OSBP: variants seen among roughly 807,000 people sequenced by gnomAD.
OSBP encodes the protein oxysterol binding protein.
OSBP carries 32 observed loss-of-function variants against 96.6 expected under a neutral mutation model. The ratio of observed to expected loss-of-function variants is 0.33; its 90% CI spans 0.25 to 0.45. The LOEUF (loss-of-function observed/expected upper bound fraction) is 0.45, where lower values mean the gene tolerates loss of function less well. Ranked by LOEUF, OSBP falls within the 20% of genes least tolerant of loss-of-function variation. OSBP has a pLI of 1.00. For synonymous variants in OSBP, 369 were observed against 389.6 expected (o/e 0.95, Z 0.62); for missense variants, 653 against 1,029.7 (o/e 0.63, Z 5.01).
chr11:59,605,254 C>A (rs1409913153), intron 3 of OSBP, among the ~76,000 whole-genome samples: 1 of 152,168 alleles, frequency 6.6e-6, no homozygotes, highest in Non-Finnish European at 1.5e-5. Flanking sequence ...TTCTCTCCCC[C>A]ACAATTAACT....
At chr11:59,615,085 C>A (rs1315383288) in intron 1 of OSBP, among the ~76,000 whole-genome samples, 1 of 152,196 alleles carries the variant, frequency 6.6e-6, no homozygotes, top group Non-Finnish European at 1.5e-5. Flanking sequence ...GATAAGGCAC[C>A]AAGAGTGGGT....
Position 59,600,626 on chromosome 11 carries a change from T to C in OSBP, c.1181A>G (p.Tyr394Cys), listed in dbSNP as rs779315004. Residue 394 changes from tyrosine to cysteine, a missense_variant and splice_region_variant, in exon 7 of 14, where the codon TAC becomes TGC. By Grantham distance (194) the Tyr-to-Cys change is radical. Coordinates refer to ENST00000263847, the MANE Select transcript of OSBP (RefSeq NM_002556.3). ...ASSDISLDEQ[Y>C]KHQLEETKKE... ...TTTGGTCTCCTCCAGCTGATGCTTG[T>C]ACTGAGAGCAAAACAAAGCCATTCA... 1.2e-6 allele frequency: 2 copies of C among 1,613,346 alleles called. No homozygotes were observed. The highest frequency in any genetic ancestry group is 2.2e-5 in the South Asian group (2 of 91,018).
At chr11:59,614,014 G>A (rs964072254) in intron 1 of OSBP, among the ~76,000 whole-genome samples, 1 of 152,086 alleles carries the variant, frequency 6.6e-6, no homozygotes, top group African/African-American at 2.4e-5. Context: ...CAGTGTTTTG[G>A]GTCTCAAAGA....
At chr11:59,577,503 T>C (rs1203583339) in intron 12 of OSBP, among the ~76,000 whole-genome samples, 3 of 152,152 alleles carry the variant, frequency 2.0e-5, no homozygotes, top group Non-Finnish European at 4.4e-5. Context: ...TTCTTATTTA[T>C]TTATTTATTT....
chr11:59,608,005 T>A (rs1439866207), intron 3 of OSBP, among the ~76,000 whole-genome samples: 1 of 152,200 alleles, frequency 6.6e-6, no homozygotes, highest in Admixed American at 6.5e-5. Context: ...CCACCCTTTA[T>A]GCCTGAATGC....
intron 9 of OSBP, among the ~76,000 whole-genome samples, chr11:59,582,582 T>C (rs981592105): frequency 6.6e-6 from 1 of 152,124 alleles, no homozygotes; most frequent in Non-Finnish European, 1.5e-5. Context: ...CTTTCCTGAG[T>C]TGAGTCATTT....
At chr11:59,586,192 G>T (rs979381245) in intron 9 of OSBP, among the ~76,000 whole-genome samples, 6 of 132,600 alleles carry the variant, frequency 4.5e-5, no homozygotes, top group African/African-American at 1.7e-4. Context: ...AAAAAAAAAA[G>T]AAAAAAAAAA....
intron 9 of OSBP, among the ~76,000 whole-genome samples, chr11:59,586,263 G>A (rs1196693653): frequency 6.6e-6 from 1 of 151,508 alleles, no homozygotes; most frequent in South Asian, 2.1e-4. Flanking sequence ...AAAATTAGGT[G>A]CATTTCTATT....
chr11:59,597,057 G>C (rs1034323376), intron 7 of OSBP, among the ~76,000 whole-genome samples: 2 of 152,000 alleles, frequency 1.3e-5, no homozygotes, highest in African/African-American at 4.8e-5. Flanking sequence ...AGACCCAGAA[G>C]CTATTTCTTT....
At chr11:59,598,853 G>A (rs1389579510) in intron 7 of OSBP, among the ~76,000 whole-genome samples, 1 of 152,222 alleles carries the variant, frequency 6.6e-6, no homozygotes, top group Non-Finnish European at 1.5e-5. Context: ...GCCTCCCAAA[G>A]TGCTGGGATT....
intron 4 of OSBP, 57 bp downstream of exon 4, chr11:59,601,583 T>A: frequency 6.6e-7 from 1 of 1,511,548 alleles, no homozygotes; most frequent in Non-Finnish European, 9.2e-7. Context: ...TCCTATCAAC[T>A]GCAGAAAACC....
intron 1 of OSBP, among the ~76,000 whole-genome samples, chr11:59,614,778 C>A (rs1590681697): frequency 6.6e-6 from 1 of 152,178 alleles, no homozygotes; most frequent in Non-Finnish European, 1.5e-5. Context: ...CGAAGCCACC[C>A]TGTGTGTGTG....
chr11:59,610,495 T>C lies in OSBP; in HGVS notation c.457A>G (p.Asn153Asp). Residue 153 changes from asparagine to aspartate, a missense_variant, in exon 2 of 14, where the codon AAT (asparagine) becomes GAT (aspartate). Asn to Asp is a conservative substitution (Grantham distance 23). Transcript: ENST00000263847. The stretch of plus-strand genomic sequence containing the variant: ...AGATGGTAGGTCTGAGCACCCCCAT[T>C]GGAAATGATGAAGTTGCAGGAGTCC... ...VEDSCNFIIS[N>D]GGAQTYHLKA... 6.2e-7 allele frequency: 1 copy of C among 1,614,184 alleles called. No individual in the cohort carries two copies. The highest frequency in any genetic ancestry group is 8.5e-7 in the Non-Finnish European group (1 of 1,180,008).
chr11:59,584,741 A>C (rs1860472453), intron 9 of OSBP, among the ~76,000 whole-genome samples: 2 of 152,200 alleles, frequency 1.3e-5, no homozygotes, highest in Admixed American at 6.5e-5. Flanking sequence ...CATGGCAAGG[A>C]TGCCCACTTT....
chr11:59,602,466 T>A (rs1285221596), intron 3 of OSBP, among the ~76,000 whole-genome samples: 2 of 152,140 alleles, frequency 1.3e-5, no homozygotes, highest in Non-Finnish European at 2.9e-5. Flanking sequence ...ACAAATATGA[T>A]TATATCAAGT....
At chr11:59,589,748 G>A (rs1377830442) in intron 9 of OSBP, among the ~76,000 whole-genome samples, 3 of 151,932 alleles carry the variant, frequency 2.0e-5, no homozygotes, top group Admixed American at 2.0e-4. Context: ...ACTTTGGGAG[G>A]CCAAGGTGGG....
intron 3 of OSBP, among the ~76,000 whole-genome samples, chr11:59,602,580 C>T (rs941688832): frequency 2.0e-5 from 3 of 152,194 alleles, no homozygotes; most frequent in Non-Finnish European, 1.5e-5. Context: ...GTATTCTCCT[C>T]GCCAGGCATG....
Position 59,585,191 on chromosome 11 carries a change from G to A in OSBP, c.1679-3637C>T, listed in dbSNP as rs1351342073. Among the ~76,000 whole-genome samples the A allele has an allele frequency of 5.3e-5, 8 of 151,506 alleles. No homozygotes were observed. In the South Asian group the frequency reaches 8.3e-4, roughly 16 times the overall value. On this transcript the variant is annotated intron_variant, in intron 9 of 13. Coordinates refer to ENST00000263847, the MANE Select transcript of OSBP (RefSeq NM_002556.3). ...GCCGCCATCCCATCTAGGAAGTGAG[G>A]AGCGCCTCTTCCCGGCCGCCATCAC...
At chr11:59,592,305 A>C (rs966675133) in intron 9 of OSBP, among the ~76,000 whole-genome samples, 9 of 152,196 alleles carry the variant, frequency 5.9e-5, no homozygotes, top group Non-Finnish European at 8.8e-5. Context: ...GTAACACTGC[A>C]ATTTCTTTTC....
Sources: gnomAD v4.1 joint callset for allele counts (sites outside exome capture counted in the v4.1 genomes callset) on GRCh38, gnomAD v4.1.1 for gene constraint, MANE v1.5 for transcripts, NCBI Gene and HGNC (gene_info 2026-07-23, HGNC 2026-07-21) for gene names.